ZBTB20: variants seen among roughly 807,000 people sequenced by gnomAD.
The protein encoded by ZBTB20 is zinc finger and BTB domain containing 20.
A neutral mutation model predicts 56.9 loss-of-function variants in ZBTB20; 9 were observed. The ratio of observed to expected loss-of-function variants is 0.16; its 90% confidence interval spans 0.10 to 0.28. The LOEUF (loss-of-function observed/expected upper bound fraction) is 0.28. ZBTB20 is among the 10% of genes least tolerant of loss of function. ZBTB20 has a pLI of 1.00. For missense variants in ZBTB20, 655 were observed against 1,003.0 expected, an observed-to-expected ratio of 0.65 and a Z score of 4.69; for synonymous variants, 417 against 420.7, an observed-to-expected ratio of 0.99 and a Z score of 0.11.
intron 4 of ZBTB20, among the ~76,000 whole-genome samples, chr3:114,864,024 G>GA (rs2075654940): frequency 2.6e-5 from 4 of 151,910 alleles, no homozygotes; most frequent in Admixed American, 1.3e-4. Flanking sequence ...AGGAAGAAAA[G>GA]AAAAAAATGT....
At chr3:114,366,068 A>G (rs767867735) in intron 10 of ZBTB20, among the ~76,000 whole-genome samples, 2 of 152,124 alleles carry the variant, frequency 1.3e-5, no homozygotes, top group African/African-American at 2.4e-5. Flanking sequence ...CTGAGCACCT[A>G]CTCCTAATTT....
chr3:115,054,375 C>A (rs1052392451), intron 2 of ZBTB20, among the ~76,000 whole-genome samples: 7 of 152,044 alleles, frequency 4.6e-5, no homozygotes, highest in Admixed American at 3.3e-4. Flanking sequence ...CTATTTGAAT[C>A]ATAGCAAGTT....
intron 6 of ZBTB20, chr3:114,688,254 C>T (rs918629536): frequency 6.6e-6 from 1 of 151,938 alleles, no homozygotes; most frequent in African/African-American, 2.4e-5. Context: ...ACAACAACAA[C>T]AAAAAACCAA....
intron 7 of ZBTB20, among the ~76,000 whole-genome samples, chr3:114,441,378 G>T (rs2090911969): frequency 6.6e-6 from 1 of 152,148 alleles, no homozygotes. Flanking sequence ...CCTAATAGGA[G>T]TTATAACCCC....
intron 7 of ZBTB20, among the ~76,000 whole-genome samples, chr3:114,448,706 C>T (rs897877251): frequency 6.6e-6 from 1 of 152,028 alleles, no homozygotes; most frequent in African/African-American, 2.4e-5. Flanking sequence ...GCATAAAATT[C>T]AGCAGCATAT....
At chr3:114,954,476 TACAC>T (rs373614366) in intron 3 of ZBTB20, among the ~76,000 whole-genome samples, 1 of 151,886 alleles carries the variant, frequency 6.6e-6, no homozygotes, top group Non-Finnish European at 1.5e-5. Context: ...CTATTTTAGT[TACAC>T]ACACACACAT....
chr3:115,004,634 T>C (rs2079391241), intron 2 of ZBTB20, among the ~76,000 whole-genome samples: 1 of 151,774 alleles, frequency 6.6e-6, no homozygotes, highest in South Asian at 2.1e-4. Context: ...TGTTCATAGA[T>C]GAATATTCAG....
chr3:115,000,007 T>C (rs2079183384), intron 2 of ZBTB20, among the ~76,000 whole-genome samples: 1 of 151,660 alleles, frequency 6.6e-6, no homozygotes. Context: ...TCTGAATTCA[T>C]TTAATGACCT....
chr3:114,426,749 C>T (rs975576688), intron 7 of ZBTB20, among the ~76,000 whole-genome samples: 1 of 152,106 alleles, frequency 6.6e-6, no homozygotes, highest in Non-Finnish European at 1.5e-5. Context: ...GATTACCAGC[C>T]AACTGTTAAC....
chr3:114,412,708 C>T (rs2088098328), intron 7 of ZBTB20, among the ~76,000 whole-genome samples: 1 of 152,174 alleles, frequency 6.6e-6, no homozygotes, highest in Admixed American at 6.5e-5. Context: ...CAACCTAGGG[C>T]AGCCAGCCCA....
intron 1 of ZBTB20, among the ~76,000 whole-genome samples, chr3:115,076,656 A>G (rs1033554851): frequency 6.6e-6 from 1 of 152,222 alleles, no homozygotes. Flanking sequence ...TGGCTGTAAC[A>G]TCAAAAGTAC....
intron 3 of ZBTB20, among the ~76,000 whole-genome samples, chr3:114,949,755 A>T (rs1560428530): frequency 6.6e-6 from 1 of 151,514 alleles, no homozygotes; most frequent in Non-Finnish European, 1.5e-5. Flanking sequence ...CGACAGAGTA[A>T]GACTCTGTCT....
chr3:114,396,880 A>G (rs961349859), intron 7 of ZBTB20, among the ~76,000 whole-genome samples: 23 of 151,896 alleles, frequency 1.5e-4, no homozygotes, highest in African/African-American at 5.1e-4. Context: ...CCCTTTTCTT[A>G]GCTCTCATAC....
At chr3:114,462,096 A>C (rs1559822037) in intron 7 of ZBTB20, among the ~76,000 whole-genome samples, 1 of 152,222 alleles carries the variant, frequency 6.6e-6, no homozygotes. Flanking sequence ...AAGATCATGC[A>C]TATGAAAACA....
chr3:114,702,994 TTGTGTG>T (rs138375005), intron 5 of ZBTB20, among the ~76,000 whole-genome samples: 1 of 146,094 alleles, frequency 6.8e-6, no homozygotes, highest in Non-Finnish European at 1.5e-5. Context: ...TTACACAAAT[TTGTGTG>T]TGTGTGTGTG....
chr3:114,858,271 T>C (rs2075339352), intron 4 of ZBTB20, among the ~76,000 whole-genome samples: 1 of 152,142 alleles, frequency 6.6e-6, no homozygotes, highest in Non-Finnish European at 1.5e-5. Flanking sequence ...CCCACAGACA[T>C]GGCTTTTAGG....
intron 3 of ZBTB20, among the ~76,000 whole-genome samples, chr3:114,974,158 C>T (rs2078004818): frequency 6.6e-6 from 1 of 150,964 alleles, no homozygotes; most frequent in South Asian, 2.1e-4. Context: ...CTGAAATATT[C>T]AGAAAGAGTA....
intron 6 of ZBTB20, among the ~76,000 whole-genome samples, chr3:114,636,414 G>A (rs2059275343): frequency 6.6e-6 from 1 of 152,036 alleles, no homozygotes; most frequent in Admixed American, 6.6e-5. Context: ...TAATGATAGT[G>A]TGTAAATCAC....
intron 7 of ZBTB20, among the ~76,000 whole-genome samples, chr3:114,439,280 T>G (rs2090749348): frequency 6.6e-6 from 1 of 152,112 alleles, no homozygotes; most frequent in Non-Finnish European, 1.5e-5. Context: ...TTACCTTGAG[T>G]AGGTCTTGGG....
Sources: gnomAD v4.1 joint callset for allele counts (sites outside exome capture counted in the v4.1 genomes callset) on GRCh38, gnomAD v4.1.1 for gene constraint, MANE v1.5 for transcripts, NCBI Gene and HGNC (gene_info 2026-07-23, HGNC 2026-07-21) for gene names.